The following PELP1 variants were observed in gnomAD, a reference collection of about 807,000 sequenced individuals.
PELP1 encodes proline-, glutamic acid- and leucine-rich protein 1.
In PELP1, 32 loss-of-function variants were observed where a neutral mutation model predicts 95.5. The observed-to-expected ratio is 0.34, with a 90% CI of 0.25 to 0.45. PELP1 has a LOEUF of 0.45. PELP1 is among the 20% of genes least tolerant of loss of function. The pLI, the probability that PELP1 is intolerant of heterozygous loss-of-function variation, is 1.00. For missense variants in PELP1, 1,358 were observed against 1,444.8 expected, an observed-to-expected ratio of 0.94 and a Z score of 0.97; for synonymous variants, 668 against 600.1, an observed-to-expected ratio of 1.11 and a Z score of -1.65.
At chr17:4,702,684 C>A (rs1301317814) in intron 1 of PELP1, among the ~76,000 whole-genome samples, 2 of 152,142 alleles carry the variant, frequency 1.3e-5, no homozygotes, top group Non-Finnish European at 2.9e-5. Context: ...ACCCACCCAG[C>A]AAATTGTGAC....
At chr17:4,688,885 G>C (rs1441173610) in intron 3 of PELP1, among the ~76,000 whole-genome samples, 1 of 152,130 alleles carries the variant, frequency 6.6e-6, no homozygotes, top group Non-Finnish European at 1.5e-5. Context: ...ATCCCATAAA[G>C]CCAAAGCAAG....
At chr17:4,684,987 C>T (rs1254146631) in intron 3 of PELP1, among the ~76,000 whole-genome samples, 1 of 152,166 alleles carries the variant, frequency 6.6e-6, no homozygotes, top group African/African-American at 2.4e-5. Context: ...GGGTGAGCCA[C>T]CAAAAAAGTC....
In PELP1 at chr17:4,672,466, G is replaced by C. The variant is rs1481389867; in HGVS notation, c.2525C>G (p.Pro842Arg). Reference sequence around the variant, plus strand: ...AGGAACAGGCGGCGGCGGAGGTGGGGGTGGCGGGAGAGGCCCTGGGGCTGC... The same window carrying C: ...AGGAACAGGCGGCGGCGGAGGTGGGCGTGGCGGGAGAGGCCCTGGGGCTGC... ...LPAAPGPLPPPPPPPPPVPGP... is the reference protein window; with the variant it reads ...LPAAPGPLPPRPPPPPPVPGP... Residue 842 changes from proline (P) to arginine (R), a missense_variant, in exon 16 of 17, where the codon CCC becomes CGC. By Grantham distance (103) the Pro-to-Arg change is moderately radical. Coordinates refer to ENST00000572293, the MANE Select transcript of PELP1 (RefSeq NM_014389.3). 8.9e-6 allele frequency: 14 copies of C among 1,568,152 alleles called. No homozygotes were observed. Among genetic ancestry groups the C allele is most frequent in the East Asian group, 2.3e-5 (1 of 43,758 alleles).
chr17:4,675,234 C>T lies in PELP1; in HGVS notation c.1158-39G>A, dbSNP rs757040934. On this transcript the variant is annotated intron_variant, in intron 10 of 16. Transcript: ENST00000572293. This position sits in a 1 kb window ranked among gnomAD's most constrained non-coding sequence, Gnocchi z 4.3. Reference sequence around the variant, plus strand: ...GGAATGGTGACCCTCGTTTCTGGCACGCCCTATCCCTTCACCACAGCCAGC... The same window carrying T: ...GGAATGGTGACCCTCGTTTCTGGCATGCCCTATCCCTTCACCACAGCCAGC... 1.2e-5 allele frequency: 20 copies of T among 1,600,206 alleles called. No homozygotes were observed. The highest frequency in any genetic ancestry group is 1.2e-4 in the African/African-American group (9 of 74,606).
At chr17:4,699,334 C>CGCA (rs1913428476) in intron 1 of PELP1, among the ~76,000 whole-genome samples, 1 of 151,726 alleles carries the variant, frequency 6.6e-6, no homozygotes, top group Admixed American at 6.6e-5. Context: ...GAGCCAAAAT[C>CGCA]GCACCACTGC....
At position 4,683,531 on chromosome 17, in the gene PELP1, C is replaced by CTTTTTTTTT. The variant is rs59870828; in HGVS notation, c.421-588_421-580dup. Among the ~76,000 whole-genome samples the CTTTTTTTTT allele has an allele frequency of 4.9e-4, 47 of 96,566 alleles. 2 individuals carry two copies. Among genetic ancestry groups the CTTTTTTTTT allele is most frequent in the East Asian group, 6.9e-4 (2 of 2,894 alleles). 63.4% of individuals were successfully genotyped at this position (96,566 alleles called of 152,430 possible). On this transcript the variant is annotated intron_variant, in intron 3 of 16. Coordinates refer to ENST00000572293, the MANE Select transcript of PELP1 (RefSeq NM_014389.3). Reference sequence around the variant, plus strand: ...ATCACGCCCAGCTGAGTTTTCTTTTCTTTTTTTTTTTTTTTTTGAGACAGA... The same window carrying CTTTTTTTTT: ...ATCACGCCCAGCTGAGTTTTCTTTTCTTTTTTTTTTTTTTTTTTTTTTTTTTGAGACAGA...
At position 4,675,815 on chromosome 17, in the gene PELP1, G is replaced by A. The variant is rs1231116063; in HGVS notation, c.1050C>T (p.Ser350=). 1.5e-5 allele frequency: 23 copies of A among 1,582,272 alleles called. No individual in the cohort carries two copies. The highest frequency in any genetic ancestry group is 2.7e-5 in the African/African-American group (2 of 74,180). The change falls in exon 9 of 17, where the codon AGC becomes AGT. Residue 350 remains serine, a synonymous_variant. Coordinates refer to ENST00000572293, the MANE Select transcript of PELP1 (RefSeq NM_014389.3). The surrounding 1 kb of genome is among the most constrained non-coding windows in gnomAD (Gnocchi z 4.3). ...EILDFICRTL[S]VSSKNISLHG... is the part of the protein sequence containing the mutation. Reference sequence around the variant, plus strand: ...CACTTACAATATTCTTGCTACTGACGCTGAGGGTCCGGCAGATGAAATCCA... The same window carrying A: ...CACTTACAATATTCTTGCTACTGACACTGAGGGTCCGGCAGATGAAATCCA...
chr17:4,672,270 C>CTCCTCT lies in PELP1; in HGVS notation c.2715_2720dup (p.Glu907_Glu908dup). The CTCCTCT allele has an allele frequency of 6.4e-7, 1 of 1,552,262 alleles. No individual in the cohort carries two copies. ...CCTCTTCCTCTTCCTCAAAGTCTTC[C>CTCCTCT]TCCTCTTCCTCTTCTTCCTCTTCTT... is the stretch of plus-strand genomic sequence containing the variant. On this transcript the variant is annotated inframe_insertion, in exon 16 of 17. Transcript: ENST00000572293.
rs150899401 is a variant in PELP1, at chr17:4,685,848, G to A, written c.421-2896C>T. ...TTGGTAGCTCACACCTGTAATCCCA[G>A]CACTTTGGAAGGCCAAGGTGGGTGG... On this transcript the variant is annotated intron_variant, in intron 3 of 16. Coordinates refer to ENST00000572293, the MANE Select transcript of PELP1 (RefSeq NM_014389.3). Among the ~76,000 whole-genome samples the A allele has an allele frequency of 4.7e-3, 706 of 151,314 alleles. 6 individuals are homozygous for A. The highest frequency in any genetic ancestry group is 0.016 in the African/African-American group (662 of 41,158).
intron 4 of PELP1, 31 bp downstream of exon 4, chr17:4,682,772 C>A: frequency 1.3e-6 from 2 of 1,540,880 alleles, no homozygotes; most frequent in Non-Finnish European, 1.7e-6. Flanking sequence ...CTGCGGGGGG[C>A]CATGGGGAAG....
Position 4,695,316 on chromosome 17 carries a change from C to G in PELP1, c.250-3874G>C, listed in dbSNP as rs150256208. On this transcript the variant is annotated intron_variant, in intron 1 of 16. Coordinates refer to ENST00000572293, the MANE Select transcript of PELP1 (RefSeq NM_014389.3). ...CAGCCTCGGCAACAGAGTGAGACTCCGTCTGGAAAAAATAAATAAATAAAA... is the reference window on the plus strand; with the variant it reads ...CAGCCTCGGCAACAGAGTGAGACTCGGTCTGGAAAAAATAAATAAATAAAA... 6.0e-5 allele frequency among the ~76,000 whole-genome samples: 4 copies of G among 67,208 alleles called. No homozygotes were observed. In the East Asian group the frequency reaches 1.8e-3, roughly 30 times the overall value. The allele number at this position is 67,208 out of a possible 152,430, so 44.1% of individuals were successfully genotyped here.
At chr17:4,703,820 C>T (rs1344544001) in intron 1 of PELP1, 43 bp downstream of exon 1, 2 of 1,545,164 alleles carry the variant, frequency 1.3e-6, no homozygotes, top group Non-Finnish European at 1.8e-6. Context: ...GGTGCCGCGC[C>T]ATCCTCCCCA....
intron 3 of PELP1, among the ~76,000 whole-genome samples, chr17:4,690,461 C>A (rs58793943): frequency 3.9e-5 from 6 of 152,094 alleles, no homozygotes; most frequent in African/African-American, 1.4e-4. Flanking sequence ...GTGCCTCACA[C>A]CTGTAATCCC....
rs190502724 is a variant in PELP1, at chr17:4,689,059, C to A, written c.420+1829G>T. Among the ~76,000 whole-genome samples the A allele has an allele frequency of 1.2e-3, 182 of 152,336 alleles. 1 individual carries two copies. The highest frequency in any genetic ancestry group is 2.0e-3 in the Non-Finnish European group (134 of 68,036). On this transcript the variant is annotated intron_variant, in intron 3 of 16. Coordinates refer to ENST00000572293, the MANE Select transcript of PELP1 (RefSeq NM_014389.3). ...TATAAAGCCAAATACTTACACCCAA[C>A]TGATCTTCAACAAAGCAAACAAAAA...
rs112821844 is a variant in PELP1, at chr17:4,671,416, A to G, written c.*23T>C. The G allele has an allele frequency of 6.3e-5, 78 of 1,236,504 alleles. No homozygotes were observed. In the African/African-American group the frequency reaches 8.3e-4, roughly 13 times the overall value. The allele number at this position is 1,236,504 out of a possible 1,614,324, so 76.6% of individuals were successfully genotyped here. ...CTAAGGACATAACTTTATTGGAAACAAAGAGTGGGGTGCAGAAGATGGCTA... is the reference window on the plus strand; with the variant it reads ...CTAAGGACATAACTTTATTGGAAACGAAGAGTGGGGTGCAGAAGATGGCTA... On this transcript the variant is annotated 3_prime_UTR_variant, in exon 17 of 17. Transcript: ENST00000572293.
chr17:4,677,666 C>T (rs1457722404), intron 5 of PELP1, among the ~76,000 whole-genome samples: 1 of 152,202 alleles, frequency 6.6e-6, no homozygotes, highest in Non-Finnish European at 1.5e-5. Context: ...CAGTAGCTCA[C>T]GCCTGTAATC....
chr17:4,682,792 A>G lies in PELP1; in HGVS notation c.570+11T>C. The G allele has an allele frequency of 6.4e-7, 1 of 1,561,246 alleles. No homozygotes were observed. Among genetic ancestry groups the G allele is most frequent in the South Asian group, 1.2e-5 (1 of 80,522 alleles). On this transcript the variant is annotated intron_variant, in intron 4 of 16. Coordinates refer to ENST00000572293, the MANE Select transcript of PELP1 (RefSeq NM_014389.3). ...GGGGGCCATGGGGAAGGGTCCAGGGAGACATCTCACCTCTGGCCTGAGGCC... is the reference window on the plus strand; with the variant it reads ...GGGGGCCATGGGGAAGGGTCCAGGGGGACATCTCACCTCTGGCCTGAGGCC...
intron 1 of PELP1, among the ~76,000 whole-genome samples, chr17:4,701,545 C>T (rs1359672999): frequency 6.6e-6 from 1 of 152,212 alleles, no homozygotes; most frequent in East Asian, 1.9e-4. Flanking sequence ...ATAATATACT[C>T]CAAGCTAGAT....
intron 5 of PELP1, among the ~76,000 whole-genome samples, 183 bp downstream of exon 5, chr17:4,682,319 A>G (rs917297397): frequency 6.6e-6 from 1 of 152,232 alleles, no homozygotes; most frequent in Non-Finnish European, 1.5e-5. Flanking sequence ...CTTGATTCCA[A>G]CTTCTTTGGA....
Sources: allele counts gnomAD v4.1 joint callset (sites outside exome capture counted in the v4.1 genomes callset), GRCh38; gene constraint gnomAD v4.1.1; non-coding constraint Gnocchi (gnomAD v3.1); transcripts MANE v1.5; gene names NCBI Gene and HGNC (gene_info 2026-07-23, HGNC 2026-07-21).